Variants in GZMA observed in about 807,000 individuals in gnomAD.
The protein encoded by GZMA is granzyme A.
Under a neutral mutation model 21.1 loss-of-function variants are expected in GZMA, and 17 were observed. That is an observed-to-expected ratio of 0.81 (90% confidence interval 0.55 to 1.21). GZMA has a LOEUF of 1.21. Ranked by LOEUF, GZMA falls within the 50% of genes most tolerant of loss-of-function variation. GZMA has a pLI of 0.00. For missense variants in GZMA, 306 were observed against 315.9 expected, an observed-to-expected ratio of 0.97 and a Z score of 0.24; for synonymous variants, 90 against 107.8, an observed-to-expected ratio of 0.83 and a Z score of 1.03.
In GZMA at chr5:55,110,244, A is replaced by T. The variant is rs1742479760; in HGVS notation, c.*62A>T. Reference sequence around the variant, plus strand: ...CTTTTCACAAATAAAATCAATTTGCATGACTGTACCTGTTTCTCTCTTGTA... The same window carrying T: ...CTTTTCACAAATAAAATCAATTTGCTTGACTGTACCTGTTTCTCTCTTGTA... On this transcript the variant is annotated 3_prime_UTR_variant, in exon 5 of 5. Coordinates refer to ENST00000274306, the MANE Select transcript of GZMA (RefSeq NM_006144.4). 7.9e-7 allele frequency: 1 copy of T among 1,260,628 alleles called. No individual in the cohort carries two copies. The highest frequency in any genetic ancestry group is 2.4e-5 in the East Asian group (1 of 40,908). The allele number at this position is 1,260,628 out of a possible 1,614,324, so 78.1% of individuals were successfully genotyped here. A position where few individuals can be genotyped will look rare whatever the true frequency, so the allele number is the denominator to read the frequency against.
At position 55,104,818 on chromosome 5, in the gene GZMA, C is replaced by G. The variant is rs549725360; in HGVS notation, c.71-656C>G. 3.9e-5 allele frequency among the ~76,000 whole-genome samples: 6 copies of G among 152,268 alleles called. No individual in the cohort carries two copies. In the East Asian group the frequency reaches 9.6e-4, roughly 24 times the overall value. ...GAATTCTTGGCATATGGTATCTTCT[C>G]TCTTCTCTTCCCTATCTCATTGGAA... On this transcript the variant is annotated intron_variant, in intron 1 of 4. Coordinates refer to ENST00000274306, the MANE Select transcript of GZMA (RefSeq NM_006144.4).
rs1742412208 is a variant in GZMA, at chr5:55,106,264, AAT to A, written c.215+648_215+649del. Among the ~76,000 whole-genome samples, 6 of 7,034 alleles carry A rather than the reference AAT, an allele frequency of 8.5e-4. 3 individuals are homozygous for A. Among genetic ancestry groups the A allele is most frequent in the East Asian group, 0.043 (2 of 46 alleles). The allele number at this position is 7,034 out of a possible 152,430, so 4.6% of individuals were successfully genotyped here. Reference sequence around the variant, plus strand: ...AAATAAAATAAAATAAAATAAAATAAATAAAATAAAATAAAATAAAATAAAAT... The same window carrying A: ...AAATAAAATAAAATAAAATAAAATAAAAAATAAAATAAAATAAAATAAAAT... On this transcript the variant is annotated intron_variant, in intron 2 of 4. Transcript: ENST00000274306.
At position 55,110,216 on chromosome 5, in the gene GZMA, A is replaced by C. The variant is rs761754137; in HGVS notation, c.*34A>C. On this transcript the variant is annotated 3_prime_UTR_variant, in exon 5 of 5. Transcript: ENST00000274306. ...TTCCTTTCATTTACTGTGGCTTCTT[A>C]ATCTTTTCACAAATAAAATCAATTT... The C allele has an allele frequency of 6.8e-7, 1 of 1,478,678 alleles. No homozygotes were observed. Among genetic ancestry groups the C allele is most frequent in the East Asian group, 2.4e-5 (1 of 42,536 alleles). The allele number at this position is 1,478,678 out of a possible 1,614,324, so 91.6% of individuals were successfully genotyped here. A position where few individuals can be genotyped will look rare whatever the true frequency, so the allele number is the denominator to read the frequency against.
chr5:55,108,369 T>C lies in GZMA; in HGVS notation c.602T>C (p.Leu201Pro), dbSNP rs977069707. The part of the protein sequence containing the change: ...IGMNMVCAGS[L>P]RGGRDSCNGD... Reference sequence around the variant, plus strand: ...ATGAATATGGTTTGTGCTGGAAGCCTCCGAGGTGGAAGAGACTCGTGCAAT... The same window carrying C: ...ATGAATATGGTTTGTGCTGGAAGCCCCCGAGGTGGAAGAGACTCGTGCAAT... Residue 201 changes from leucine (L) to proline (P), a missense_variant, in exon 4 of 5, where the codon CTC becomes CCC. Leu to Pro is a moderately conservative substitution (Grantham distance 98). Coordinates refer to ENST00000274306, the MANE Select transcript of GZMA (RefSeq NM_006144.4). 6.2e-7 allele frequency: 1 copy of C among 1,613,248 alleles called. No homozygotes were observed. Among genetic ancestry groups the C allele is most frequent in the Admixed American group, 1.7e-5 (1 of 60,012 alleles).
Position 55,108,347 on chromosome 5 carries a change from A to C in GZMA, c.580A>C (p.Asn194His), listed in dbSNP as rs1214335745. The change falls in exon 4 of 5, where the codon AAT becomes CAT. Residue 194 changes from asparagine to histidine, a missense_variant. Coordinates refer to ENST00000274306, the MANE Select transcript of GZMA (RefSeq NM_006144.4). ...TAATTTTAACCCTGTGATTGGAATG[A>C]ATATGGTTTGTGCTGGAAGCCTCCG... Reference protein sequence around the residue: ...HYNFNPVIGMNMVCAGSLRGG... With the variant: ...HYNFNPVIGMHMVCAGSLRGG... 4 of 1,613,404 alleles carry C rather than the reference A, an allele frequency of 2.5e-6. No individual in the cohort carries two copies. The highest frequency in any genetic ancestry group is 3.4e-6 in the Non-Finnish European group (4 of 1,179,490).
At chr5:55,109,516 T>C (rs373936141) in intron 4 of GZMA, among the ~76,000 whole-genome samples, 1 of 152,242 alleles carries the variant, frequency 6.6e-6, no homozygotes, top group Non-Finnish European at 1.5e-5. Flanking sequence ...GAAATAAACC[T>C]GTTCAGGGAG....
In GZMA at chr5:55,108,371, C is replaced by A. The variant is rs576458803; in HGVS notation, c.604C>A (p.Arg202=). 6.2e-7 allele frequency: 1 copy of A among 1,612,826 alleles called. No individual in the cohort carries two copies. Among genetic ancestry groups the A allele is most frequent in the African/African-American group, 1.3e-5 (1 of 74,886 alleles). Residue 202 remains arginine, a synonymous_variant, in exon 4 of 5, where the codon CGA becomes AGA. Transcript: ENST00000274306. Reference sequence around the variant, plus strand: ...GAATATGGTTTGTGCTGGAAGCCTCCGAGGTGGAAGAGACTCGTGCAATGT... The same window carrying A: ...GAATATGGTTTGTGCTGGAAGCCTCAGAGGTGGAAGAGACTCGTGCAATGT... The part of the protein sequence containing the change: ...GMNMVCAGSL[R]GGRDSCNGDS...
intron 1 of GZMA, among the ~76,000 whole-genome samples, chr5:55,103,263 A>G (rs891518178): frequency 3.9e-5 from 6 of 152,200 alleles, no homozygotes; most frequent in East Asian, 1.9e-4. Context: ...CAGAAAATGC[A>G]TAGATAAAGA....
chr5:55,102,832 C>T, intron 1 of GZMA, 80 bp downstream of exon 1: 2 of 851,194 alleles, frequency 2.3e-6, no homozygotes, highest in South Asian at 2.7e-5. Flanking sequence ...GGCAATATTA[C>T]CTTCCTATAC....
chr5:55,109,994 C>T, intron 4 of GZMA, 27 bp from the exon 5 acceptor site: 1 of 1,548,502 alleles, frequency 6.5e-7, no homozygotes, highest in Non-Finnish European at 8.7e-7. Flanking sequence ...ACTGACCCCA[C>T]ACCCTACCCC....
chr5:55,103,891 A>C (rs1002762054), intron 1 of GZMA, among the ~76,000 whole-genome samples: 10 of 152,120 alleles, frequency 6.6e-5, no homozygotes, highest in African/African-American at 1.7e-4. Flanking sequence ...CTGTAATCCC[A>C]GCTACGCAGG....
chr5:55,106,649 C>G (rs1446886098), intron 2 of GZMA, among the ~76,000 whole-genome samples: 1 of 152,148 alleles, frequency 6.6e-6, no homozygotes, highest in Non-Finnish European at 1.5e-5. Context: ...GTACAGAAAG[C>G]TTGTGTCCAA....
intron 4 of GZMA, among the ~76,000 whole-genome samples, chr5:55,109,366 T>C (rs970019130): frequency 6.6e-6 from 1 of 152,074 alleles, no homozygotes; most frequent in African/African-American, 2.4e-5. Context: ...CCCAAGACGC[T>C]AGTCCCCATC....
rs779470046 is a variant in GZMA, at chr5:55,105,466, T to C, written c.71-8T>C. The C allele has an allele frequency of 3.1e-6, 5 of 1,610,590 alleles. No individual in the cohort carries two copies. In the African/African-American group the frequency reaches 4.0e-5, roughly 13 times the overall value. ...CACCAATCTGATTTGTCTTTTTCCA[T>C]TGAACAGATGTCTGTGAAAAAATTA... On this transcript the variant is annotated splice_region_variant and splice_polypyrimidine_tract_variant and intron_variant, in intron 1 of 4. Transcript: ENST00000274306.
intron 1 of GZMA, among the ~76,000 whole-genome samples, chr5:55,105,016 A>G (rs1221673276): frequency 6.6e-6 from 1 of 152,214 alleles, no homozygotes; most frequent in Non-Finnish European, 1.5e-5. Context: ...ATCGGTTCAT[A>G]AGCTATATTT....
chr5:55,103,447 A>AC (rs1226773634), intron 1 of GZMA, among the ~76,000 whole-genome samples: 1 of 152,224 alleles, frequency 6.6e-6, no homozygotes, highest in Non-Finnish European at 1.5e-5. Flanking sequence ...TTTTTTGTCT[A>AC]CCAAATGGTA....
At chr5:55,107,678 C>T (rs756002359) in intron 2 of GZMA, 116 bp from the exon 3 acceptor site, 5 of 609,402 alleles carry the variant, frequency 8.2e-6, no homozygotes, top group Non-Finnish European at 8.2e-6. Context: ...TTCTGAGCCA[C>T]AAAGAAATCT....
intron 1 of GZMA, among the ~76,000 whole-genome samples, 198 bp downstream of exon 1, chr5:55,102,950 G>C (rs141887203): frequency 6.6e-6 from 1 of 151,832 alleles, no homozygotes; most frequent in Non-Finnish European, 1.5e-5. Flanking sequence ...TCACTTGAGC[G>C]CAGGAGTTTG....
chr5:55,105,411 T>A, intron 1 of GZMA, 63 bp from the exon 2 acceptor site: 1 of 1,439,696 alleles, frequency 6.9e-7, no homozygotes, highest in Non-Finnish European at 9.5e-7. Flanking sequence ...CTTAGAAACA[T>A]GACTTTGTGT....
Sources: gnomAD v4.1 joint callset for allele counts (sites outside exome capture counted in the v4.1 genomes callset) on GRCh38, gnomAD v4.1.1 for gene constraint, MANE v1.5 for transcripts, NCBI Gene and HGNC (gene_info 2026-07-23, HGNC 2026-07-21) for gene names.